The following PHACTR2 variants were observed in gnomAD, a reference collection of about 807,000 sequenced individuals.
PHACTR2 encodes the protein chromosome 6 open reading frame 56.
A neutral mutation model predicts 76.0 loss-of-function variants in PHACTR2; 30 were observed. That is an observed-to-expected ratio of 0.39 (90% CI 0.30 to 0.54). PHACTR2 has a LOEUF of 0.54. Among genes scored for constraint, PHACTR2 ranks in the 20% least tolerant of loss-of-function variants. PHACTR2 has a pLI of 0.61. For synonymous variants in PHACTR2, 292 were observed against 292.5 expected, an observed-to-expected ratio of 1.00 and a Z score of 0.02; for missense variants, 696 against 781.1, an observed-to-expected ratio of 0.89 and a Z score of 1.30.
intron 11 of PHACTR2, among the ~76,000 whole-genome samples, chr6:143,805,737 T>C (rs1466790491): frequency 6.6e-6 from 1 of 152,220 alleles, no homozygotes; most frequent in Admixed American, 6.5e-5. Context: ...ATTGTCACAG[T>C]TCCTAGTCAC....
intron 1 of PHACTR2, among the ~76,000 whole-genome samples, chr6:143,668,448 G>T (rs1383276058): frequency 6.6e-6 from 1 of 152,154 alleles, no homozygotes; most frequent in East Asian, 1.9e-4. Context: ...CATAAGGAAT[G>T]GTACCAGCTC....
chr6:143,724,531 C>G (rs1778515891), intron 2 of PHACTR2, among the ~76,000 whole-genome samples: 1 of 152,108 alleles, frequency 6.6e-6, no homozygotes, highest in Non-Finnish European at 1.5e-5. Flanking sequence ...AGTGGGAAAG[C>G]TGGTTTATAT....
intron 1 of PHACTR2, among the ~76,000 whole-genome samples, chr6:143,551,731 G>A (rs947244395): frequency 5.3e-5 from 8 of 152,154 alleles, no homozygotes; most frequent in Admixed American, 5.2e-4. Flanking sequence ...TTGGAAAATA[G>A]GGTTGAGGCT....
chr6:143,808,519 C>T (rs1776110890), intron 12 of PHACTR2, among the ~76,000 whole-genome samples: 1 of 152,034 alleles, frequency 6.6e-6, no homozygotes, highest in Non-Finnish European at 1.5e-5. Context: ...GCTATTTATA[C>T]AGCATTTACA....
rs67124785 is a variant in PHACTR2, at chr6:143,827,155, A to AATATATATATATATAT, written c.*3495_*3510dup. On this transcript the variant is annotated 3_prime_UTR_variant, in exon 13 of 13. Coordinates refer to ENST00000440869, the MANE Select transcript of PHACTR2 (RefSeq NM_001100164.2). ...GGGCTGCGTTGGCATTAAAAAAGAA[A>AATATATATATATATAT]ATATATATATATATATATATATATA... 26 of 77,240 alleles carry AATATATATATATATAT rather than the reference A, an allele frequency of 3.4e-4. No individual in the cohort carries two copies. Among genetic ancestry groups the AATATATATATATATAT allele is most frequent in the East Asian group, 1.1e-3 (2 of 1,790 alleles). 4.8% of individuals were successfully genotyped at this position (77,240 alleles called of 1,614,324 possible).
At chr6:143,706,476 C>G (rs552700515) in intron 1 of PHACTR2, among the ~76,000 whole-genome samples, 2 of 152,330 alleles carry the variant, frequency 1.3e-5, no homozygotes, top group African/African-American at 4.8e-5. Flanking sequence ...CAACTCTCAT[C>G]AGGGCTGCAT....
Position 143,562,103 on chromosome 6 carries a change from T to C in PHACTR2, c.217+24896T>C, listed in dbSNP as rs1402504881. 6.6e-6 allele frequency: 1 copy of C among 152,288 alleles called. No individual in the cohort carries two copies. Among genetic ancestry groups the C allele is most frequent in the Non-Finnish European group, 1.5e-5 (1 of 68,100 alleles). The allele number at this position is 152,288 out of a possible 1,614,324, so 9.4% of individuals were successfully genotyped here. On this transcript the variant is annotated intron_variant, in intron 1 of 11. Coordinates refer to the PHACTR2 transcript ENST00000367584. This position sits in a 1 kb window ranked among gnomAD's most constrained non-coding sequence, Gnocchi z 5.1. Reference sequence around the variant, plus strand: ...AACTCTCACCGCCAGCCAGAGTTCCTTGTTCTTCCCTTTGTGACCTCGTAG... The same window carrying C: ...AACTCTCACCGCCAGCCAGAGTTCCCTGTTCTTCCCTTTGTGACCTCGTAG...
In PHACTR2 at chr6:143,827,053, C is replaced by A. The variant is rs1776544436; in HGVS notation, c.*3364C>A. On this transcript the variant is annotated 3_prime_UTR_variant, in exon 13 of 13. Coordinates refer to ENST00000440869, the MANE Select transcript of PHACTR2 (RefSeq NM_001100164.2). ...ATTCAATACACCCTTCAAAAGTCAC[C>A]AAATACTGAAAATAAGAGATGAGTC... 1 of 148,656 alleles carries A rather than the reference C, an allele frequency of 6.7e-6. No homozygotes were observed. The highest frequency in any genetic ancestry group is 1.5e-5 in the Non-Finnish European group (1 of 67,166). The allele number at this position is 148,656 out of a possible 1,614,324, so 9.2% of individuals were successfully genotyped here. A position where few individuals can be genotyped will look rare whatever the true frequency, so the allele number is the denominator to read the frequency against.
intron 1 of PHACTR2, among the ~76,000 whole-genome samples, chr6:143,691,655 C>T (rs144063220): frequency 3.3e-5 from 5 of 152,146 alleles, no homozygotes; most frequent in African/African-American, 7.2e-5. Flanking sequence ...AATTTCAACT[C>T]GTTGCCTTTT....
intron 6 of PHACTR2, among the ~76,000 whole-genome samples, chr6:143,766,456 A>G (rs971875371): frequency 1.3e-5 from 2 of 152,238 alleles, no homozygotes; most frequent in Non-Finnish European, 2.9e-5. Context: ...TGCTCATTGA[A>G]TTGTTGAAAG....
In PHACTR2 at chr6:143,538,847, G is replaced by A. The variant is rs141057532; in HGVS notation, c.217+1640G>A. 5.8e-3 allele frequency among the ~76,000 whole-genome samples: 884 copies of A among 152,328 alleles called. 14 individuals are homozygous for A. The highest frequency in any genetic ancestry group is 0.019 in the African/African-American group (803 of 41,570). On this transcript the variant is annotated intron_variant, in intron 1 of 11. Transcript: ENST00000367584. ...GAAACAAGTCAGAACTGTTAGAATA[G>A]AGGTAGTGGGATTTGTGTAAAGATT...
intron 11 of PHACTR2, among the ~76,000 whole-genome samples, chr6:143,805,888 A>G (rs1776052520): frequency 6.6e-6 from 1 of 152,182 alleles, no homozygotes; most frequent in Non-Finnish European, 1.5e-5. Flanking sequence ...GTTATGAGAG[A>G]GAGCTAGAGA....
rs1779447338 is a variant in PHACTR2 at position 143,761,714 on chromosome 6, A to G, written c.694+1074A>G. Among the ~76,000 whole-genome samples, 1 of 152,086 alleles carries G rather than the reference A, an allele frequency of 6.6e-6. No individual in the cohort carries two copies. The highest frequency in any genetic ancestry group is 1.5e-5 in the Non-Finnish European group (1 of 68,020). ...AGTTGCGGTGAGCTGAGATCGCGCC[A>G]CTGCACTCCAGCCTGGGCGACAGAA... is the stretch of plus-strand genomic sequence containing the variant. On this transcript the variant is annotated intron_variant, in intron 5 of 12. Transcript: ENST00000440869. This position sits in a 1 kb window ranked among gnomAD's most constrained non-coding sequence, Gnocchi z 5.2.
At position 143,775,054 on chromosome 6, in the gene PHACTR2, T is replaced by A. The variant is rs1775240684; in HGVS notation, c.1589+839T>A. Among the ~76,000 whole-genome samples, 2 of 152,146 alleles carry A rather than the reference T, an allele frequency of 1.3e-5. No individual in the cohort carries two copies. Among genetic ancestry groups the A allele is most frequent in the Admixed American group, 1.3e-4 (2 of 15,276 alleles). On this transcript the variant is annotated intron_variant, in intron 8 of 12. Transcript: ENST00000440869. This position sits in a 1 kb window ranked among gnomAD's most constrained non-coding sequence, Gnocchi z 4.4. ...ACTGTCTAGAATCCCAGAGCAGGAT[T>A]TGGAGGTGGGGGGAAAATTGCTGTC...
At chr6:143,727,556 T>G (rs957960302) in intron 2 of PHACTR2, among the ~76,000 whole-genome samples, 8 of 152,238 alleles carry the variant, frequency 5.3e-5, no homozygotes, top group Non-Finnish European at 2.9e-5. Context: ...CTGTAATGGC[T>G]GTACTAATGT....
chr6:143,795,498 T>C lies in PHACTR2; in HGVS notation c.1845+6588T>C, dbSNP rs1182358804. ...AGAAACAGATATATGTACAGTAAAA[T>C]AGAGATGGCCTGGTTTCCTGCACTG... On this transcript the variant is annotated intron_variant, in intron 11 of 12. Transcript: ENST00000440869. The surrounding 1 kb of genome is among the most constrained non-coding windows in gnomAD (Gnocchi z 4.8). 6.6e-6 allele frequency among the ~76,000 whole-genome samples: 1 copy of C among 152,190 alleles called. No individual in the cohort carries two copies. Among genetic ancestry groups the C allele is most frequent in the African/African-American group, 2.4e-5 (1 of 41,452 alleles).
chr6:143,688,694 A>G lies in PHACTR2; in HGVS notation c.46+10485A>G, dbSNP rs1456028382. Among the ~76,000 whole-genome samples the G allele has an allele frequency of 6.6e-6, 1 of 151,960 alleles. No individual in the cohort carries two copies. Among genetic ancestry groups the G allele is most frequent in the African/African-American group, 2.4e-5 (1 of 41,368 alleles). ...CTTGTCCTTTTCTCTTCCCAAATAT[A>G]TCTCAAGTCCATGCTCTTCCGTCTG... is the stretch of plus-strand genomic sequence containing the variant. On this transcript the variant is annotated intron_variant, in intron 1 of 12. Transcript: ENST00000440869. This position sits in a 1 kb window ranked among gnomAD's most constrained non-coding sequence, Gnocchi z 5.2.
rs1256465156 is a variant in PHACTR2 at position 143,678,066 on chromosome 6, C to A, written c.-98C>A. ...ACCCGGCGGGCCGCTCGGCACAGGC[C>A]GGGACATGAACGCCTGGAAGTCTGG... On this transcript the variant is annotated 5_prime_UTR_variant, in exon 1 of 13. Transcript: ENST00000440869. This position sits in a 1 kb window ranked among gnomAD's most constrained non-coding sequence, Gnocchi z 6.2. The A allele has an allele frequency of 7.1e-6, 11 of 1,538,622 alleles. No homozygotes were observed. In the East Asian group the frequency reaches 2.8e-4, roughly 39 times the overall value.
At chr6:143,593,957 G>A (rs1382360022) in intron 1 of PHACTR2, among the ~76,000 whole-genome samples, 2 of 152,122 alleles carry the variant, frequency 1.3e-5, no homozygotes. Context: ...CTGTAAACTA[G>A]CCCTAGTTTT....
Sources: allele counts gnomAD v4.1 joint callset (sites outside exome capture counted in the v4.1 genomes callset), GRCh38; gene constraint gnomAD v4.1.1; non-coding constraint Gnocchi (gnomAD v3.1); transcripts MANE v1.5; gene names NCBI Gene and HGNC (gene_info 2026-07-23, HGNC 2026-07-21).